Variants in QTMAN observed in about 807,000 individuals in gnomAD.
The protein encoded by QTMAN is queuosine-tRNA mannosyltransferase.
At chr2:144,067,284 A>G in the QTMAN span, among the ~76,000 whole-genome samples, 1 of 152,196 alleles carries the variant, frequency 6.6e-6, no homozygotes, top group South Asian at 2.1e-4. Context: ...CATCAGGACA[A>G]AATTTAAGGT....
the QTMAN span, among the ~76,000 whole-genome samples, chr2:144,308,172 T>C: frequency 1.4e-5 from 2 of 147,230 alleles, no homozygotes; most frequent in Non-Finnish European, 3.0e-5. Flanking sequence ...GTTTTTTTTT[T>C]TTTTTTTTTT....
the QTMAN span, among the ~76,000 whole-genome samples, chr2:144,153,862 A>G: frequency 6.6e-6 from 1 of 152,300 alleles, no homozygotes; most frequent in African/African-American, 2.4e-5. Flanking sequence ...TACACACATC[A>G]CTACCACCAC....
chr2:144,250,221 G>T, the QTMAN span, among the ~76,000 whole-genome samples: 1 of 150,742 alleles, frequency 6.6e-6, no homozygotes, highest in African/African-American at 2.4e-5. Context: ...TTGGCTCACC[G>T]CAGCCTCCAC....
At chr2:144,212,217 C>T in the QTMAN span, among the ~76,000 whole-genome samples, 1 of 152,162 alleles carries the variant, frequency 6.6e-6, no homozygotes, top group Non-Finnish European at 1.5e-5. Flanking sequence ...AATCCCAGCA[C>T]GCTGGGAGGT....
chr2:144,328,630 T>C, the QTMAN span, among the ~76,000 whole-genome samples: 2 of 152,170 alleles, frequency 1.3e-5, no homozygotes, highest in South Asian at 4.1e-4. Context: ...TAGAAGAAAC[T>C]GATCTGGCAG....
chr2:143,975,295 A>G, the QTMAN span, among the ~76,000 whole-genome samples: 1 of 152,144 alleles, frequency 6.6e-6, no homozygotes, highest in African/African-American at 2.4e-5. Flanking sequence ...AGATCTCCAT[A>G]CTTGTCACTT....
the QTMAN span, among the ~76,000 whole-genome samples, chr2:144,270,766 T>G: frequency 2.0e-5 from 3 of 152,190 alleles, no homozygotes; most frequent in African/African-American, 7.2e-5. Context: ...GGCACATGTA[T>G]ACCTTTGTAA....
At chr2:144,331,846 CAG>C in the QTMAN span, among the ~76,000 whole-genome samples, 1 of 152,166 alleles carries the variant, frequency 6.6e-6, no homozygotes, top group African/African-American at 2.4e-5. Flanking sequence ...ACTCGGCTGG[CAG>C]AGAGGAGTGG....
the QTMAN span, among the ~76,000 whole-genome samples, chr2:144,328,209 C>T: frequency 6.6e-6 from 1 of 152,104 alleles, no homozygotes; most frequent in East Asian, 1.9e-4. Flanking sequence ...TCTTGGCCTC[C>T]CAAAGTGCTG....
the QTMAN span, among the ~76,000 whole-genome samples, chr2:144,327,822 A>G: frequency 1.9e-3 from 288 of 152,304 alleles, 1 homozygote; most frequent in African/African-American, 6.4e-3. Context: ...ATGCCTAAAC[A>G]TGCTTAAGAC....
the QTMAN span, among the ~76,000 whole-genome samples, chr2:144,166,452 T>C: frequency 4.6e-5 from 7 of 152,240 alleles, no homozygotes; most frequent in African/African-American, 1.7e-4. Flanking sequence ...GACAAAGGTA[T>C]TGAAGGTAGA....
At chr2:144,022,237 T>C in the QTMAN span, among the ~76,000 whole-genome samples, 1 of 152,142 alleles carries the variant, frequency 6.6e-6, no homozygotes, top group Non-Finnish European at 1.5e-5. Flanking sequence ...ATTAGACATA[T>C]GTTGGATTCT....
the QTMAN span, among the ~76,000 whole-genome samples, chr2:144,112,793 C>T: frequency 7.0e-4 from 106 of 152,170 alleles, no homozygotes; most frequent in African/African-American, 1.2e-3. Context: ...TTCCAGTGGG[C>T]GATGTCAGAG....
the QTMAN span, among the ~76,000 whole-genome samples, chr2:144,197,317 GTGTA>G: frequency 5.3e-5 from 8 of 150,870 alleles, no homozygotes; most frequent in South Asian, 1.5e-3. Flanking sequence ...GTGTGTGTGT[GTGTA>G]TATATATATA....
chr2:144,148,623 T>C, the QTMAN span, among the ~76,000 whole-genome samples: 1 of 151,856 alleles, frequency 6.6e-6, no homozygotes, highest in South Asian at 2.1e-4. Flanking sequence ...GGGTGGACTA[T>C]CTATAGCTAA....
chr2:143,962,364 G>A, the QTMAN span, among the ~76,000 whole-genome samples: 1 of 152,032 alleles, frequency 6.6e-6, no homozygotes, highest in Admixed American at 6.6e-5. Flanking sequence ...GTGGGTAAGG[G>A]CACAGCTGTA....
the QTMAN span, among the ~76,000 whole-genome samples, chr2:143,977,310 T>A: frequency 2.6e-5 from 4 of 151,926 alleles, no homozygotes; most frequent in Admixed American, 6.6e-5. Flanking sequence ...TTCAAACAGG[T>A]ACAAATAAGT....
At chr2:144,250,646 G>A in the QTMAN span, among the ~76,000 whole-genome samples, 2 of 146,720 alleles carry the variant, frequency 1.4e-5, no homozygotes, top group Admixed American at 7.0e-5. Context: ...ACACTTACCA[G>A]ACATACTAAC....
the QTMAN span, among the ~76,000 whole-genome samples, chr2:144,026,752 A>G: frequency 6.6e-6 from 1 of 152,178 alleles, no homozygotes; most frequent in African/African-American, 2.4e-5. Flanking sequence ...GGATTAAATA[A>G]GCTAATTTAT....
Sources: allele counts gnomAD v4.1 joint callset (sites outside exome capture counted in the v4.1 genomes callset), GRCh38; gene constraint gnomAD v4.1.1; transcripts MANE v1.5; gene names NCBI Gene and HGNC (gene_info 2026-07-23, HGNC 2026-07-21).